CDC42BPB: variants seen among roughly 807,000 people sequenced by gnomAD.
CDC42BPB encodes serine/threonine-protein kinase MRCK beta.
CDC42BPB carries 37 observed loss-of-function variants against 214.9 expected under a neutral mutation model. That is an observed-to-expected ratio of 0.17 (90% CI 0.13 to 0.23). The LOEUF is 0.23. Ranked by LOEUF, CDC42BPB falls within the 10% of genes least tolerant of loss-of-function variation. The probability of loss-of-function intolerance (pLI) is 1.00; values close to 1 mark genes in which losing one functional copy is unlikely to be tolerated. For synonymous variants in CDC42BPB, 931 were observed against 884.0 expected (o/e 1.05, Z -0.94); for missense variants, 1,694 against 2,227.0 (o/e 0.76, Z 4.82).
chr14:103,053,595 A>G (rs1027092627), intron 1 of CDC42BPB, among the ~76,000 whole-genome samples: 1 of 150,306 alleles, frequency 6.7e-6, no homozygotes, highest in Non-Finnish European at 1.5e-5. Context: ...CCCCGTCTCT[A>G]CTAAAAATAC....
At chr14:103,034,700 C>A (rs1887569461) in intron 1 of CDC42BPB, among the ~76,000 whole-genome samples, 1 of 152,020 alleles carries the variant, frequency 6.6e-6, no homozygotes, top group African/African-American at 2.4e-5. Context: ...CATCTATAAT[C>A]CCAGCTACTT....
At chr14:103,033,505 A>C (rs894979283) in intron 1 of CDC42BPB, among the ~76,000 whole-genome samples, 1 of 152,192 alleles carries the variant, frequency 6.6e-6, no homozygotes, top group Non-Finnish European at 1.5e-5. Context: ...TACAGGTGTA[A>C]GCCACCGCAC....
chr14:102,958,721 G>A (rs367733188), intron 21 of CDC42BPB, among the ~76,000 whole-genome samples: 1 of 152,126 alleles, frequency 6.6e-6, no homozygotes, highest in Admixed American at 6.5e-5. Flanking sequence ...TGAGGGTCTC[G>A]GCAAGGCACC....
At position 102,972,038 on chromosome 14, in the gene CDC42BPB, C is replaced by G; in HGVS notation, c.1765G>C (p.Ala589Pro). 1 of 1,614,274 alleles carries G rather than the reference C, an allele frequency of 6.2e-7. No homozygotes were observed. Among genetic ancestry groups the G allele is most frequent in the African/African-American group, 1.3e-5 (1 of 75,076 alleles). The change falls in exon 13 of 37, where the codon GCC becomes CCC. Residue 589 changes from alanine (A) to proline (P), a missense_variant. This residue lies in a region of CDC42BPB where 462 missense variants were observed against 513.5 expected (regional missense o/e 0.90). Coordinates refer to ENST00000361246, the MANE Select transcript of CDC42BPB (RefSeq NM_006035.4). ...ELNERMAELR[A>P]QKQKVSRQLR... ...TGCCGGGACACCTTCTGCTTCTGGG[C>G]ACGGAGCTCTGCCATGCGCTCGTTC...
intron 27 of CDC42BPB, chr14:102,946,940 C>G (rs1425810813): frequency 1.4e-6 from 1 of 694,480 alleles, no homozygotes. Context: ...TTTGTCAAAA[C>G]TACGAGTAGC....
intron 36 of CDC42BPB, chr14:102,937,067 T>G (rs750520093): frequency 1.7e-4 from 26 of 152,178 alleles, no homozygotes; most frequent in Non-Finnish European, 3.2e-4. Flanking sequence ...TTCACTTAAA[T>G]TTAAAAGAAC....
chr14:102,988,539 C>T (rs1423670181), intron 5 of CDC42BPB, among the ~76,000 whole-genome samples: 1 of 152,250 alleles, frequency 6.6e-6, no homozygotes, highest in African/African-American at 2.4e-5. Context: ...TTTCAAAACA[C>T]ACTACACAGC....
intron 19 of CDC42BPB, 53 bp downstream of exon 19, chr14:102,964,449 C>T (rs1244630360): frequency 5.6e-6 from 9 of 1,598,100 alleles, no homozygotes; most frequent in South Asian, 4.5e-5. Context: ...AGGGCGGGCT[C>T]GAGGCCACAC....
intron 5 of CDC42BPB, among the ~76,000 whole-genome samples, chr14:102,987,221 TACAG>T (rs1394185912): frequency 6.6e-6 from 1 of 152,202 alleles, no homozygotes; most frequent in African/African-American, 2.4e-5. Context: ...TGCCCACAGT[TACAG>T]AGCAGCACGT....
rs1427039377 is a variant in CDC42BPB at position 103,012,181 on chromosome 14, T to A, written c.183A>T (p.Pro61=). The A allele has an allele frequency of 6.2e-7, 1 of 1,612,622 alleles. No individual in the cohort carries two copies. Among genetic ancestry groups the A allele is most frequent in the East Asian group, 2.2e-5 (1 of 44,870 alleles). The change falls in exon 2 of 37, where the codon CCA becomes CCT. Residue 61 remains proline, a synonymous_variant. Transcript: ENST00000361246. ...YVAEFLEWAK[P]FTQLVKEMQL... The stretch of plus-strand genomic sequence containing the variant: ...GCATTTCTTTCACCAGCTGTGTAAA[T>A]GGTTTAGCTACAAGTAAAACAGTAA...
intron 18 of CDC42BPB, among the ~76,000 whole-genome samples, chr14:102,965,113 T>C (rs1003985797): frequency 6.6e-6 from 1 of 152,004 alleles, no homozygotes; most frequent in African/African-American, 2.4e-5. Flanking sequence ...TTTGTATTTT[T>C]AGTAGAGACA....
At chr14:102,946,143 G>C (rs1426022173) in intron 28 of CDC42BPB, among the ~76,000 whole-genome samples, 2 of 152,062 alleles carry the variant, frequency 1.3e-5, no homozygotes, top group East Asian at 3.8e-4. Flanking sequence ...CAAGTAGCTG[G>C]GACTACAGGT....
At chr14:102,998,200 G>A (rs563910592) in intron 5 of CDC42BPB, among the ~76,000 whole-genome samples, 1 of 152,322 alleles carries the variant, frequency 6.6e-6, no homozygotes, top group East Asian at 1.9e-4. Flanking sequence ...ATATGTGAGA[G>A]AGATGGGTGA....
At chr14:102,941,632 T>C in intron 30 of CDC42BPB, 1 of 866,656 alleles carries the variant, frequency 1.2e-6, no homozygotes, top group Non-Finnish European at 1.4e-6. Context: ...CAGGAAGAAG[T>C]CTAGTTTGCT....
At chr14:102,972,773 T>C (rs1257561181) in intron 12 of CDC42BPB, among the ~76,000 whole-genome samples, 2 of 140,936 alleles carry the variant, frequency 1.4e-5, no homozygotes, top group African/African-American at 2.7e-5. Context: ...GGCAGCGTGC[T>C]TACAGGAGGA....
Position 102,952,596 on chromosome 14 carries a change from G to A in CDC42BPB, c.3074C>T (p.Ala1025Val). 1 of 1,613,572 alleles carries A rather than the reference G, an allele frequency of 6.2e-7. No individual in the cohort carries two copies. The highest frequency in any genetic ancestry group is 1.6e-4 in the Middle Eastern group (1 of 6,062). The change falls in exon 24 of 37, where the codon GCT becomes GTT. Residue 1025 changes from alanine (A) to valine (V), a missense_variant. Physicochemically the swap from Ala to Val is moderately conservative, Grantham distance 64. Around this residue, in one of 7 missense-constraint regions of CDC42BPB, gnomAD observed 567 missense variants for 790.3 expected, o/e 0.72. Coordinates refer to ENST00000361246, the MANE Select transcript of CDC42BPB (RefSeq NM_006035.4). ...GAAGGACTTGATGCTGAACTGGTGA[G>A]CTTTTGGCTGGAAGGAGAAAATCAA... ...ALALAGPKPK[A>V]HQFSIKSFSS...
At chr14:102,975,176 T>TA (rs957529800) in intron 11 of CDC42BPB, among the ~76,000 whole-genome samples, 20 of 152,266 alleles carry the variant, frequency 1.3e-4, no homozygotes, top group African/African-American at 4.8e-4. Flanking sequence ...AACGTACAGA[T>TA]AAAATATCAG....
At chr14:102,958,220 G>A (rs1892796355) in intron 21 of CDC42BPB, among the ~76,000 whole-genome samples, 1 of 152,246 alleles carries the variant, frequency 6.6e-6, no homozygotes, top group Non-Finnish European at 1.5e-5. Context: ...CCTGATGACA[G>A]TGACACTGTG....
intron 1 of CDC42BPB, among the ~76,000 whole-genome samples, chr14:103,026,203 C>T (rs1887043868): frequency 6.6e-6 from 1 of 152,000 alleles, no homozygotes; most frequent in Non-Finnish European, 1.5e-5. Context: ...CAAGACCATC[C>T]TGGCCAACAT....
Sources: allele counts gnomAD v4.1 joint callset (sites outside exome capture counted in the v4.1 genomes callset), GRCh38; gene constraint gnomAD v4.1.1; regional missense constraint gnomAD v4.1.1; transcripts MANE v1.5; gene names NCBI Gene and HGNC (gene_info 2026-07-23, HGNC 2026-07-21).